NOVA1: variants seen among roughly 807,000 people sequenced by gnomAD.
NOVA1 encodes the protein NOVA alternative splicing regulator 1.
In NOVA1, 7 loss-of-function variants were observed where a neutral mutation model predicts 38.0. The observed-to-expected ratio is 0.18, with a 90% CI of 0.10 to 0.35. The LOEUF is 0.35. Among genes scored for constraint, NOVA1 ranks in the 10% least tolerant of loss-of-function variants. The pLI, the probability that NOVA1 is intolerant of heterozygous loss-of-function variation, is 1.00. For missense variants in NOVA1, 460 were observed against 616.0 expected (o/e 0.75, Z 2.68); for synonymous variants, 270 against 232.5 (o/e 1.16, Z -1.47).
At chr14:26,503,319 T>A (rs1400370710) in intron 2 of NOVA1, among the ~76,000 whole-genome samples, 1 of 151,808 alleles carries the variant, frequency 6.6e-6, no homozygotes, top group Non-Finnish European at 1.5e-5. Context: ...ACACATACCC[T>A]GGCACAATCA....
At chr14:26,488,186 A>T (rs1221032312) in intron 2 of NOVA1, among the ~76,000 whole-genome samples, 2 of 152,210 alleles carry the variant, frequency 1.3e-5, no homozygotes, top group African/African-American at 4.8e-5. Context: ...GCCATATAAC[A>T]TGCTTAATCC....
At position 26,597,698 on chromosome 14, in the gene NOVA1, C is replaced by G; in HGVS notation, c.-262G>C. 8.8e-7 allele frequency: 1 copy of G among 1,139,022 alleles called. No homozygotes were observed. 70.6% of individuals were successfully genotyped at this position (1,139,022 alleles called of 1,614,324 possible). A position where few individuals can be genotyped will look rare whatever the true frequency, so the allele number is the denominator to read the frequency against. ...AGGGGAATGGAGGGGGTGTGAGAGA[C>G]GGAGGGTGAAAGAAGAAGAAGAAAG... On this transcript the variant is annotated 5_prime_UTR_variant, in exon 1 of 5. Coordinates refer to ENST00000539517, the MANE Select transcript of NOVA1 (RefSeq NM_002515.3).
At chr14:26,596,243 T>G (rs1250772590) in intron 1 of NOVA1, among the ~76,000 whole-genome samples, 3 of 152,168 alleles carry the variant, frequency 2.0e-5, no homozygotes, top group Non-Finnish European at 2.9e-5. Flanking sequence ...TAAAGGACCT[T>G]AAGAAGAATT....
At chr14:26,506,919 T>A (rs1251216576) in intron 2 of NOVA1, among the ~76,000 whole-genome samples, 1 of 152,170 alleles carries the variant, frequency 6.6e-6, no homozygotes, top group Non-Finnish European at 1.5e-5. Context: ...ATGATTGGTA[T>A]CAGATATTTG....
chr14:26,515,981 G>C (rs1285498144), intron 2 of NOVA1, among the ~76,000 whole-genome samples: 2 of 152,074 alleles, frequency 1.3e-5, no homozygotes, highest in Non-Finnish European at 2.9e-5. Context: ...AAAATGATTA[G>C]TTTCTAAAGT....
At chr14:26,558,852 A>G in intron 2 of NOVA1, among the ~76,000 whole-genome samples, 1 of 152,244 alleles carries the variant, frequency 6.6e-6, no homozygotes, top group Non-Finnish European at 1.5e-5. Context: ...TATCATTCTA[A>G]AATACTCTAG....
chr14:26,478,360 T>C (rs1885158165), intron 3 of NOVA1, among the ~76,000 whole-genome samples: 1 of 151,834 alleles, frequency 6.6e-6, no homozygotes, highest in African/African-American at 2.4e-5. Context: ...ATCATACTAC[T>C]AAATTTTATG....
At position 26,567,956 on chromosome 14, in the gene NOVA1, T is replaced by C. The variant is rs868039515; in HGVS notation, c.280+27454A>G. 6.6e-5 allele frequency among the ~76,000 whole-genome samples: 10 copies of C among 152,290 alleles called. No individual in the cohort carries two copies. The East Asian group carries it at 1.7e-3, about 27-fold the overall frequency. On this transcript the variant is annotated intron_variant, in intron 2 of 4. Transcript: ENST00000539517. ...TTAAAACATCTGAAGAGTTTCTTGA[T>C]ATTTACTGTGTGATACCTCCCAACC...
At chr14:26,450,967 C>T (rs926593062) in intron 4 of NOVA1, among the ~76,000 whole-genome samples, 3 of 152,016 alleles carry the variant, frequency 2.0e-5, no homozygotes, top group African/African-American at 4.8e-5. Context: ...ATGTATTAAT[C>T]GGCCAAGACT....
chr14:26,573,912 A>G (rs1189921976), intron 2 of NOVA1, among the ~76,000 whole-genome samples: 1 of 152,106 alleles, frequency 6.6e-6, no homozygotes, highest in Non-Finnish European at 1.5e-5. Context: ...ATGCTCAGCA[A>G]CCCCACAGCA....
intron 2 of NOVA1, among the ~76,000 whole-genome samples, chr14:26,489,521 TTAA>T (rs1478246604): frequency 2.0e-5 from 3 of 151,500 alleles, no homozygotes; most frequent in Middle Eastern, 3.5e-3. Context: ...TATATTATTA[TTAA>T]TATTAAAATG....
chr14:26,570,526 G>A (rs1267621167), intron 2 of NOVA1, among the ~76,000 whole-genome samples: 1 of 151,690 alleles, frequency 6.6e-6, no homozygotes, highest in Non-Finnish European at 1.5e-5. Context: ...AACAAAAAGG[G>A]TTATCTAGCA....
At chr14:26,593,049 T>C (rs1169959962) in intron 2 of NOVA1, 2 of 151,802 alleles carry the variant, frequency 1.3e-5, no homozygotes, top group East Asian at 1.9e-4. Flanking sequence ...GCATATTTGT[T>C]CCAGTAGATT....
chr14:26,579,307 C>T (rs780980502), intron 2 of NOVA1, among the ~76,000 whole-genome samples: 2 of 152,192 alleles, frequency 1.3e-5, no homozygotes, highest in South Asian at 2.1e-4. Context: ...CTGCCTGCCT[C>T]GGCCTCCCAA....
intron 2 of NOVA1, among the ~76,000 whole-genome samples, chr14:26,531,225 C>T (rs1889685966): frequency 6.6e-6 from 1 of 152,168 alleles, no homozygotes; most frequent in South Asian, 2.1e-4. Context: ...CTTAATTAAG[C>T]ATACTTATTG....
intron 2 of NOVA1, among the ~76,000 whole-genome samples, chr14:26,513,968 T>C (rs1050045499): frequency 2.4e-4 from 37 of 151,704 alleles, no homozygotes; most frequent in Admixed American, 1.3e-3. Context: ...TATTGTTGCA[T>C]TGCTTTTAGC....
chr14:26,551,545 G>T (rs1891160947), intron 2 of NOVA1, among the ~76,000 whole-genome samples: 1 of 151,950 alleles, frequency 6.6e-6, no homozygotes. Context: ...TTAGAATCCT[G>T]CCACATACCT....
At position 26,447,652 on chromosome 14, in the gene NOVA1, C is replaced by A; in HGVS notation, c.*307G>T. On this transcript the variant is annotated 3_prime_UTR_variant, in exon 5 of 5. Coordinates refer to ENST00000539517, the MANE Select transcript of NOVA1 (RefSeq NM_002515.3). ...CTGAAAACTATACGCATATCCCTGT[C>A]TACATTCAATCATTAAACTACAATA... The A allele has an allele frequency of 5.3e-6, 2 of 379,240 alleles. No individual in the cohort carries two copies. The highest frequency in any genetic ancestry group is 6.4e-5 in the South Asian group (2 of 31,458). The allele number at this position is 379,240 out of a possible 1,614,324, so 23.5% of individuals were successfully genotyped here. A position where few individuals can be genotyped will look rare whatever the true frequency, so the allele number is the denominator to read the frequency against.
At chr14:26,515,863 C>T (rs1398898270) in intron 2 of NOVA1, among the ~76,000 whole-genome samples, 1 of 151,984 alleles carries the variant, frequency 6.6e-6, no homozygotes, top group Admixed American at 6.6e-5. Context: ...GCTATTTTAA[C>T]ACTTACTGAG....
Sources: allele counts gnomAD v4.1 joint callset (sites outside exome capture counted in the v4.1 genomes callset), GRCh38; gene constraint gnomAD v4.1.1; transcripts MANE v1.5; gene names NCBI Gene and HGNC (gene_info 2026-07-23, HGNC 2026-07-21).